H2AZ1: variants seen among roughly 807,000 people sequenced by gnomAD.
H2AZ1 encodes H2A.Z variant histone 1, also known as histone H2A.Z.
In H2AZ1, 3 loss-of-function variants were observed where a neutral mutation model predicts 16.6. The ratio of observed to expected loss-of-function variants is 0.18; its 90% confidence interval spans 0.08 to 0.47. The LOEUF is 0.47. H2AZ1 is among the 20% of genes least tolerant of loss of function. H2AZ1 has a pLI of 0.98. For missense variants in H2AZ1, 27 were observed against 163.6 expected (o/e 0.17, Z 4.55); for synonymous variants, 78 against 60.7 (o/e 1.28, Z -1.32).
At chr4:99,949,540 G>T in intron 2 of H2AZ1, 123 bp downstream of exon 2, 1 of 1,058,068 alleles carries the variant, frequency 9.5e-7, no homozygotes, top group Non-Finnish European at 1.5e-6. Context: ...CGTATGGGCA[G>T]CCCAAGTCGC....
intron 1 of H2AZ1, 35 bp downstream of exon 1, chr4:99,950,133 C>G: frequency 6.2e-7 from 1 of 1,606,146 alleles, no homozygotes; most frequent in Non-Finnish European, 8.5e-7. Context: ...CCGGCAAAAA[C>G]CCGCGGAGTC....
intron 3 of H2AZ1, 53 bp from the exon 4 acceptor site, chr4:99,948,993 A>G (rs1727204724): frequency 1.8e-6 from 2 of 1,083,634 alleles, no homozygotes. Context: ...GCCAAGATTC[A>G]GAGAACAGAA....
In H2AZ1 at chr4:99,948,392, T is replaced by C; in HGVS notation, c.*70A>G. Reference sequence around the variant, plus strand: ...TGTTTTTCACAGAGATACAGTCCACTGGAATCACCAACACTGGACAGCTGT... The same window carrying C: ...TGTTTTTCACAGAGATACAGTCCACCGGAATCACCAACACTGGACAGCTGT... On this transcript the variant is annotated 3_prime_UTR_variant, in exon 5 of 5. Coordinates refer to ENST00000296417, the MANE Select transcript of H2AZ1 (RefSeq NM_002106.4). 2 of 933,210 alleles carry C rather than the reference T, an allele frequency of 2.1e-6. No individual in the cohort carries two copies. The highest frequency in any genetic ancestry group is 3.6e-6 in the Non-Finnish European group (2 of 560,310). 57.8% of individuals were successfully genotyped at this position (933,210 alleles called of 1,614,324 possible).
At chr4:99,948,717 ATACT>A in intron 4 of H2AZ1, 90 bp downstream of exon 4, 1 of 1,501,608 alleles carries the variant, frequency 6.7e-7, no homozygotes, top group Non-Finnish European at 8.9e-7. Context: ...CATTGAAAAT[ATACT>A]TAAATTTCCT....
Position 99,949,297 on chromosome 4 carries a change from G to C in H2AZ1, c.171C>G (p.Ala57=). The C allele has an allele frequency of 8.7e-6, 14 of 1,609,706 alleles. No individual in the cohort carries two copies. Among genetic ancestry groups the C allele is most frequent in the Non-Finnish European group, 1.2e-5 (14 of 1,176,526 alleles). The change falls in exon 3 of 5, where the codon GCC becomes GCG. Residue 57 remains alanine, a synonymous_variant. Coordinates refer to ENST00000296417, the MANE Select transcript of H2AZ1 (RefSeq NM_002106.4). Reference sequence around the variant, plus strand: ...CCTCTGCGGTGAGGTACTCCAGGATGGCTGCGCTGTACACAGCGGCAGTCG... The same window carrying C: ...CCTCTGCGGTGAGGTACTCCAGGATCGCTGCGCTGTACACAGCGGCAGTCG... ...VGATAAVYSA[A]ILEYLTAEVL...
chr4:99,949,161 C>A (rs1328784487), intron 3 of H2AZ1, 112 bp downstream of exon 3: 3 of 686,436 alleles, frequency 4.4e-6, no homozygotes, highest in Non-Finnish European at 7.6e-6. Context: ...TTCTCTTAGG[C>A]CTCTCGCCGC....
intron 3 of H2AZ1, 135 bp downstream of exon 3, chr4:99,949,138 G>A (rs1278679489): frequency 4.2e-5 from 28 of 658,960 alleles, no homozygotes; most frequent in Admixed American, 2.8e-5. Flanking sequence ...TTGAACACCA[G>A]CTCCCTCTAG....
chr4:99,949,832 C>A, intron 1 of H2AZ1, 92 bp from the exon 2 acceptor site: 4 of 1,030,760 alleles, frequency 3.9e-6, no homozygotes, highest in Non-Finnish European at 5.6e-6. Context: ...GCGCGTCCCG[C>A]CGCGAGCGCG....
At chr4:99,949,609 A>C (rs771892969) in intron 2 of H2AZ1, 54 bp downstream of exon 2, 26 of 1,522,756 alleles carry the variant, frequency 1.7e-5, no homozygotes, top group Middle Eastern at 1.7e-4. Flanking sequence ...ATAACAAAAA[A>C]GGAAATGCAA....
chr4:99,949,509 A>T, intron 2 of H2AZ1, 123 bp from the exon 3 acceptor site: 1 of 974,216 alleles, frequency 1.0e-6, no homozygotes, highest in East Asian at 2.4e-5. Flanking sequence ...GAAACACGTG[A>T]TTCCTCCCCC....
intron 2 of H2AZ1, 129 bp downstream of exon 2, chr4:99,949,534 T>A: frequency 9.7e-7 from 1 of 1,026,406 alleles, no homozygotes. Flanking sequence ...ATTTATCGTA[T>A]GGGCAGCCCA....
intron 3 of H2AZ1, 150 bp downstream of exon 3, chr4:99,949,123 C>T (rs1459606640): frequency 9.1e-6 from 6 of 660,432 alleles, no homozygotes; most frequent in African/African-American, 1.8e-5. Flanking sequence ...TCAGTAGGAT[C>T]CTTGTTGAAC....
intron 2 of H2AZ1, 64 bp from the exon 3 acceptor site, chr4:99,949,450 T>A (rs78032150): frequency 1.7e-6 from 2 of 1,164,558 alleles, no homozygotes; most frequent in South Asian, 2.4e-5. Flanking sequence ...GGGGAAATTA[T>A]ATGCGCGCCA....
At chr4:99,949,243 T>G in intron 3 of H2AZ1, 30 bp downstream of exon 3, 7 of 1,332,704 alleles carry the variant, frequency 5.3e-6, no homozygotes, top group Non-Finnish European at 7.5e-6. Flanking sequence ...CCCCAAACCT[T>G]CTCCGGATTA....
rs1319738931 is a variant in H2AZ1, at chr4:99,948,431, G to A, written c.*31C>T. 1 of 1,179,498 alleles carries A rather than the reference G, an allele frequency of 8.5e-7. No individual in the cohort carries two copies. Among genetic ancestry groups the A allele is most frequent in the Admixed American group, 1.7e-5 (1 of 59,370 alleles). 73.1% of individuals were successfully genotyped at this position (1,179,498 alleles called of 1,614,324 possible). On this transcript the variant is annotated 3_prime_UTR_variant, in exon 5 of 5. Coordinates refer to ENST00000296417, the MANE Select transcript of H2AZ1 (RefSeq NM_002106.4). ...CTGGACAGCTGTTAGAGTATTTAGA[G>A]TCCTGAGATAACAAGGAATCCAGGC...
In H2AZ1 at chr4:99,948,854, A is replaced by G; in HGVS notation, c.282T>C (p.Asp94=). The change falls in exon 4 of 5, where the codon GAT becomes GAC. Residue 94 remains aspartate, a synonymous_variant. Coordinates refer to ENST00000296417, the MANE Select transcript of H2AZ1 (RefSeq NM_002106.4). ...PRHLQLAIRG[D]EELDSLIKAT... ...CCTTGATGAGAGAATCCAATTCTTCATCTCCACGAATAGCAAGTTGCAAGT... is the reference window on the plus strand; with the variant it reads ...CCTTGATGAGAGAATCCAATTCTTCGTCTCCACGAATAGCAAGTTGCAAGT... 2 of 1,612,576 alleles carry G rather than the reference A, an allele frequency of 1.2e-6. No homozygotes were observed. The highest frequency in any genetic ancestry group is 1.1e-5 in the South Asian group (1 of 91,040).
intron 3 of H2AZ1, 132 bp from the exon 4 acceptor site, chr4:99,949,072 G>A (rs1334592871): frequency 2.5e-5 from 18 of 714,968 alleles, no homozygotes; most frequent in Admixed American, 1.9e-4. Context: ...AAGATATACA[G>A]GGGGCACGCA....
In H2AZ1 at chr4:99,948,377, A is replaced by G; in HGVS notation, c.*85T>C. On this transcript the variant is annotated 3_prime_UTR_variant, in exon 5 of 5. Transcript: ENST00000296417. ...AAAAAGGCAAAATTGTGTTTTTCAC[A>G]GAGATACAGTCCACTGGAATCACCA... 1 of 878,654 alleles carries G rather than the reference A, an allele frequency of 1.1e-6. No homozygotes were observed. The highest frequency in any genetic ancestry group is 1.3e-5 in the South Asian group (1 of 74,970). 54.4% of individuals were successfully genotyped at this position (878,654 alleles called of 1,614,324 possible).
intron 2 of H2AZ1, 121 bp from the exon 3 acceptor site, chr4:99,949,507 T>C (rs1447933580): frequency 1.0e-6 from 1 of 975,180 alleles, no homozygotes; most frequent in Non-Finnish European, 1.7e-6. Context: ...TCGAAACACG[T>C]GATTCCTCCC....
Sources: allele counts gnomAD v4.1 joint callset, GRCh38; gene constraint gnomAD v4.1.1; transcripts MANE v1.5; gene names NCBI Gene and HGNC (gene_info 2026-07-23, HGNC 2026-07-21).